The following LIMD1 variants were observed in gnomAD, a reference collection of about 807,000 sequenced individuals.
LIMD1 encodes LIM domain containing 1.
Under a neutral mutation model 58.4 loss-of-function variants are expected in LIMD1, and 23 were observed. The observed-to-expected ratio is 0.39, with a 90% CI of 0.28 to 0.56. The LOEUF is 0.56. LIMD1 is among the 20% of genes least tolerant of loss of function. LIMD1 has a pLI of 0.57. For missense variants in LIMD1, 838 were observed against 855.5 expected, an observed-to-expected ratio of 0.98 and a Z score of 0.25; for synonymous variants, 334 against 345.5, an observed-to-expected ratio of 0.97 and a Z score of 0.37.
chr3:45,681,324 G>A lies in LIMD1; in HGVS notation c.*4265G>A, dbSNP rs1329804422. 1 of 152,278 alleles carries A rather than the reference G, an allele frequency of 6.6e-6. No individual in the cohort carries two copies. The highest frequency in any genetic ancestry group is 2.4e-5 in the African/African-American group (1 of 41,558). 9.4% of individuals were successfully genotyped at this position (152,278 alleles called of 1,614,324 possible). On this transcript the variant is annotated 3_prime_UTR_variant, in exon 8 of 8. Transcript: ENST00000273317. Reference sequence around the variant, plus strand: ...AACTGTTTTTTGCTACCTGGACTTTGTCTTCTTTTACAGCTCTGGATTCTT... The same window carrying A: ...AACTGTTTTTTGCTACCTGGACTTTATCTTCTTTTACAGCTCTGGATTCTT...
intron 1 of LIMD1, among the ~76,000 whole-genome samples, chr3:45,601,943 C>CTT (rs534236802): frequency 7.8e-5 from 11 of 141,600 alleles, no homozygotes; most frequent in African/African-American, 1.9e-4. Context: ...AGGCTGTGGA[C>CTT]TTTTTTTTTT....
chr3:45,600,785 C>T (rs1008598642), intron 1 of LIMD1, among the ~76,000 whole-genome samples: 19 of 152,180 alleles, frequency 1.2e-4, no homozygotes, highest in Admixed American at 4.6e-4. Context: ...GGACACAAGC[C>T]GGGTGTGGTG....
chr3:45,676,872 T>G (rs2125671764), intron 7 of LIMD1, 50 bp from the exon 8 acceptor site: 1 of 1,598,244 alleles, frequency 6.3e-7, no homozygotes, highest in East Asian at 2.2e-5. Flanking sequence ...CAGGTCAGTC[T>G]TGCAGTCTGT....
chr3:45,684,826 C>T lies in LIMD1; in HGVS notation c.*7767C>T, dbSNP rs2578676. ...CTTCCATATTGGATGCACCTGTCTTCCAGGTGCAGCTGCCGGCATTTATCT... is the reference window on the plus strand; with the variant it reads ...CTTCCATATTGGATGCACCTGTCTTTCAGGTGCAGCTGCCGGCATTTATCT... On this transcript the variant is annotated 3_prime_UTR_variant, in exon 8 of 8. Coordinates refer to ENST00000273317, the MANE Select transcript of LIMD1 (RefSeq NM_014240.3). 1 of 152,178 alleles carries T rather than the reference C, an allele frequency of 6.6e-6. No homozygotes were observed. Among genetic ancestry groups the T allele is most frequent in the Non-Finnish European group, 1.5e-5 (1 of 68,032 alleles). 9.4% of individuals were successfully genotyped at this position (152,178 alleles called of 1,614,324 possible).
chr3:45,635,732 CAAAAAAAAAAAA>C (rs71095045), intron 1 of LIMD1, among the ~76,000 whole-genome samples: 23,831 of 73,944 alleles, frequency 0.32, 2,688 homozygotes, highest in East Asian at 0.36. Flanking sequence ...ATCCCCGTCT[CAAAAAAAAAAAA>C]AAAAAAAAAA....
chr3:45,595,481 G>T lies in LIMD1; in HGVS notation c.602G>T (p.Gly201Val), dbSNP rs1365856258. ...AAACCAGGAGTGTCCCCCAGCATCG[G>T]CCTGAGTGTAGGGAGTGGGTGGCCT... ...GDKPGVSPSI[G>V]LSVGSGWPSS... Residue 201 changes from glycine (G) to valine (V), a missense_variant, in exon 1 of 8, where the codon GGC (glycine) becomes GTC (valine). By Grantham distance (109) the Gly-to-Val change is moderately radical (BLOSUM62 -3). This residue lies in a region of LIMD1 where 659 missense variants were observed against 639.8 expected (regional missense o/e 1.03). Transcript: ENST00000273317. 1 of 1,613,826 alleles carries T rather than the reference G, an allele frequency of 6.2e-7. No individual in the cohort carries two copies. The highest frequency in any genetic ancestry group is 2.2e-5 in the East Asian group (1 of 44,894).
At chr3:45,614,326 G>A (rs917937271) in intron 1 of LIMD1, among the ~76,000 whole-genome samples, 11 of 150,508 alleles carry the variant, frequency 7.3e-5, no homozygotes, top group Admixed American at 7.3e-4. Flanking sequence ...AGGAGATCGA[G>A]ACCATCCTGG....
At chr3:45,641,468 TATAGTATG>T (rs1280935076) in intron 2 of LIMD1, among the ~76,000 whole-genome samples, 3 of 150,250 alleles carry the variant, frequency 2.0e-5, no homozygotes, top group Non-Finnish European at 4.4e-5. Context: ...AAACACTATA[TATAGTATG>T]TAAAGCCAGA....
In LIMD1 at chr3:45,681,577, G is replaced by T. The variant is rs1697742536; in HGVS notation, c.*4518G>T. 6.6e-6 allele frequency: 1 copy of T among 152,264 alleles called. No homozygotes were observed. Among genetic ancestry groups the T allele is most frequent in the South Asian group, 2.1e-4 (1 of 4,834 alleles). The allele number at this position is 152,264 out of a possible 1,614,324, so 9.4% of individuals were successfully genotyped here. On this transcript the variant is annotated 3_prime_UTR_variant, in exon 8 of 8. Transcript: ENST00000273317. ...CCAAGAAGAGGGCCAGGTGAGACCT[G>T]CACACGCAGTGGGCTGCATTACAAG...
In LIMD1 at chr3:45,668,340, A is replaced by G. The variant is rs1470202038; in HGVS notation, c.1625A>G (p.His542Arg). 7 of 1,613,086 alleles carry G rather than the reference A, an allele frequency of 4.3e-6. No individual in the cohort carries two copies. The South Asian group carries it at 5.5e-5, about 13-fold the overall frequency. The change falls in exon 4 of 8, where the codon CAT becomes CGT. Residue 542 changes from histidine (H) to arginine (R), a missense_variant. Physicochemically the swap from His to Arg is conservative, Grantham distance 29. Coordinates refer to ENST00000273317, the MANE Select transcript of LIMD1 (RefSeq NM_014240.3). ...GCTGACAGGTGTTTTCTTTGTGGACATCTGATCATGGACATGGTGAGTAGG... is the reference window on the plus strand; with the variant it reads ...GCTGACAGGTGTTTTCTTTGTGGACGTCTGATCATGGACATGGTGAGTAGG... ...QSADRCFLCG[H>R]LIMDMILQAL...
intron 2 of LIMD1, among the ~76,000 whole-genome samples, chr3:45,664,012 A>G (rs1697480016): frequency 6.6e-6 from 1 of 151,796 alleles, no homozygotes; most frequent in African/African-American, 2.4e-5. Flanking sequence ...CTGGGGTTAC[A>G]GGTGCATGCC....
At chr3:45,614,671 C>T (rs71325077) in intron 1 of LIMD1, among the ~76,000 whole-genome samples, 4,904 of 151,170 alleles carry the variant, frequency 0.032, 130 homozygotes, top group East Asian at 0.14. Context: ...TGCAGTGAGC[C>T]ATGATCACAC....
At position 45,602,515 on chromosome 3, in the gene LIMD1, G is replaced by A. The variant is rs567728552; in HGVS notation, c.1408+6228G>A. Among the ~76,000 whole-genome samples, 121 of 152,272 alleles carry A rather than the reference G, an allele frequency of 7.9e-4. 1 individual carries two copies. The highest frequency in any genetic ancestry group is 1.4e-3 in the Non-Finnish European group (95 of 68,014). The stretch of plus-strand genomic sequence containing the variant: ...TTTGGTTTTTCTGTCTTTGGTGGAT[G>A]TCCTTTCAGCAGTATCCTAACCCAG... On this transcript the variant is annotated intron_variant, in intron 1 of 7. Transcript: ENST00000273317.
chr3:45,612,069 CG>C (rs1701529973), intron 1 of LIMD1, among the ~76,000 whole-genome samples: 1 of 104,750 alleles, frequency 9.5e-6, no homozygotes, highest in South Asian at 2.7e-4. Context: ...TGCAGGTGCG[CG>C]CTCTCTCTCT....
Position 45,672,717 on chromosome 3 carries a change from C to T in LIMD1, c.1669C>T (p.His557Tyr). The T allele has an allele frequency of 6.2e-7, 1 of 1,613,988 alleles. No individual in the cohort carries two copies. Among genetic ancestry groups the T allele is most frequent in the East Asian group, 2.2e-5 (1 of 44,872 alleles). Reference protein sequence around the residue: ...MILQALGKSYHPGCFRCVICN... With the variant: ...MILQALGKSYYPGCFRCVICN... ...CCTGCAAGCCCTGGGGAAGTCCTAC[C>T]ACCCCGGCTGTTTCCGCTGTGTCAT... is the stretch of plus-strand genomic sequence containing the variant. Residue 557 changes from histidine (H) to tyrosine (Y), a missense_variant, in exon 5 of 8, where the codon CAC (histidine) becomes TAC (tyrosine). By Grantham distance (83) the His-to-Tyr change is moderately conservative. This residue lies in a region of LIMD1 where 174 missense variants were observed against 197.4 expected (regional missense o/e 0.88). Coordinates refer to ENST00000273317, the MANE Select transcript of LIMD1 (RefSeq NM_014240.3).
intron 1 of LIMD1, among the ~76,000 whole-genome samples, chr3:45,635,466 C>G (rs548550159): frequency 6.6e-6 from 1 of 152,072 alleles, no homozygotes; most frequent in East Asian, 1.9e-4. Context: ...TGAGGAGCTG[C>G]TGGTAGAAGG....
intron 2 of LIMD1, among the ~76,000 whole-genome samples, chr3:45,654,803 AC>A (rs1702009771): frequency 7.5e-6 from 1 of 133,642 alleles, no homozygotes; most frequent in African/African-American, 3.1e-5. Context: ...ACAGAGTAAG[AC>A]CCTGTCTCAA....
In LIMD1 at chr3:45,596,128, G is replaced by C; in HGVS notation, c.1249G>C (p.Val417Leu). 6.2e-7 allele frequency: 1 copy of C among 1,614,200 alleles called. No individual in the cohort carries two copies. Among genetic ancestry groups the C allele is most frequent in the Non-Finnish European group, 8.5e-7 (1 of 1,180,044 alleles). ...GTCTTCTGATGGTAGCCTGGGATCT[G>C]TGCTCCTGGACAGCCCCAGCTCCCC... is the stretch of plus-strand genomic sequence containing the variant. The part of the protein sequence containing the change: ...GWSSDGSLGS[V>L]LLDSPSSPRV... The change falls in exon 1 of 8, where the codon GTG (valine) becomes CTG (leucine). Residue 417 changes from valine (V) to leucine (L), a missense_variant. Val to Leu is a conservative substitution (Grantham distance 32, BLOSUM62 1). Coordinates refer to ENST00000273317, the MANE Select transcript of LIMD1 (RefSeq NM_014240.3).
intron 1 of LIMD1, among the ~76,000 whole-genome samples, chr3:45,607,289 G>T (rs372978027): frequency 6.6e-5 from 10 of 152,256 alleles, no homozygotes; most frequent in African/African-American, 2.4e-4. Context: ...CTGGACACAG[G>T]GTCTCGGGGT....
Sources: allele counts gnomAD v4.1 joint callset (sites outside exome capture counted in the v4.1 genomes callset), GRCh38; gene constraint gnomAD v4.1.1; regional missense constraint gnomAD v4.1.1; transcripts MANE v1.5; gene names NCBI Gene and HGNC (gene_info 2026-07-23, HGNC 2026-07-21).